The following LRIG1 variants were observed in gnomAD, a reference collection of about 807,000 sequenced individuals.
LRIG1 encodes the protein leucine rich repeats and immunoglobulin like domains 1.
LRIG1 carries 48 observed loss-of-function variants against 99.2 expected under a neutral mutation model. That is an observed-to-expected ratio of 0.48 (90% CI 0.38 to 0.62). LRIG1 has a LOEUF of 0.62. LRIG1 is among the 20% of genes least tolerant of loss of function. The probability of loss-of-function intolerance (pLI) is 0.00; values close to 1 mark genes in which losing one functional copy is unlikely to be tolerated. For missense variants in LRIG1, 1,646 were observed against 1,434.4 expected (o/e 1.15, Z -2.38); for synonymous variants, 772 against 596.1 (o/e 1.29, Z -4.30).
chr3:66,486,113 T>C (rs1268902143), intron 1 of LRIG1, among the ~76,000 whole-genome samples: 1 of 152,198 alleles, frequency 6.6e-6, no homozygotes, highest in Middle Eastern at 3.2e-3. Context: ...AAGATGGTGA[T>C]GATCAGTTAA....
At chr3:66,410,777 G>A (rs906019656) in intron 6 of LRIG1, among the ~76,000 whole-genome samples, 6 of 152,198 alleles carry the variant, frequency 3.9e-5, no homozygotes, top group African/African-American at 1.2e-4. Context: ...AATAGGAGGC[G>A]GCTCTTATTA....
intron 12 of LRIG1, among the ~76,000 whole-genome samples, chr3:66,389,802 G>A (rs1225585106): frequency 1.3e-5 from 2 of 152,030 alleles, no homozygotes. Context: ...ACACTATGAG[G>A]GGACTTCAAA....
intron 11 of LRIG1, among the ~76,000 whole-genome samples, chr3:66,394,933 C>T (rs1268862584): frequency 1.3e-5 from 2 of 152,224 alleles, no homozygotes; most frequent in African/African-American, 4.8e-5. Context: ...TGAGAATGCA[C>T]AACTTTAGCT....
chr3:66,478,147 G>C (rs1700765427), intron 1 of LRIG1, among the ~76,000 whole-genome samples: 1 of 152,160 alleles, frequency 6.6e-6, no homozygotes, highest in East Asian at 1.9e-4. Context: ...CCTTTGAAAA[G>C]GACTTTCTGC....
intron 9 of LRIG1, among the ~76,000 whole-genome samples, chr3:66,400,923 G>A (rs1215766780): frequency 3.9e-5 from 6 of 152,162 alleles, no homozygotes; most frequent in Non-Finnish European, 5.9e-5. Flanking sequence ...CCACCAGTCC[G>A]TGTGGCCAGC....
At chr3:66,410,029 TC>T (rs2106667668) in intron 7 of LRIG1, 99 bp downstream of exon 7, 9 of 1,303,668 alleles carry the variant, frequency 6.9e-6, no homozygotes, top group Non-Finnish European at 9.5e-6. Context: ...CTCTGAGCCC[TC>T]CCCGAGGCCA....
At position 66,457,685 on chromosome 3, in the gene LRIG1, T is replaced by C. The variant is rs115595537; in HGVS notation, c.290+4753A>G. On this transcript the variant is annotated intron_variant, in intron 2 of 18. Transcript: ENST00000273261. Reference sequence around the variant, plus strand: ...AGCAAACGCTGAGGCACTAAGTAACTTGTCTAGGGTCTCAGGACCCTAGTA... The same window carrying C: ...AGCAAACGCTGAGGCACTAAGTAACCTGTCTAGGGTCTCAGGACCCTAGTA... Among the ~76,000 whole-genome samples the C allele has an allele frequency of 3.6e-3, 550 of 152,314 alleles. 6 individuals carry two copies. Among genetic ancestry groups the C allele is most frequent in the African/African-American group, 0.012 (519 of 41,556 alleles).
At chr3:66,481,859 A>C (rs1700859813) in intron 1 of LRIG1, among the ~76,000 whole-genome samples, 1 of 152,244 alleles carries the variant, frequency 6.6e-6, no homozygotes, top group South Asian at 2.1e-4. Context: ...TTTCGAGACC[A>C]TGTTTACTTT....
intron 14 of LRIG1, 86 bp from the exon 15 acceptor site, chr3:66,383,487 A>T (rs1452235605): frequency 8.2e-7 from 1 of 1,214,130 alleles, no homozygotes; most frequent in Non-Finnish European, 1.1e-6. Flanking sequence ...CGGACAATCC[A>T]ACATATCAAT....
chr3:66,412,877 T>C lies in LRIG1; in HGVS notation c.785A>G (p.His262Arg). The C allele has an allele frequency of 6.2e-7, 1 of 1,614,112 alleles. No homozygotes were observed. Among genetic ancestry groups the C allele is most frequent in the South Asian group, 1.1e-5 (1 of 91,064 alleles). Reference sequence around the variant, plus strand: ...TAACCTGGTCCGCACTTACAGCACATGCATCTTGGACAGTCCCCAGAAGGC... The same window carrying C: ...TAACCTGGTCCGCACTTACAGCACACGCATCTTGGACAGTCCCCAGAAGGC... ...DGAFWGLSKM[H>R]VLHLEYNSLV... Residue 262 changes from histidine to arginine, a missense_variant, in exon 6 of 19, where the codon CAT (histidine) becomes CGT (arginine). His to Arg is a conservative substitution (Grantham distance 29). Coordinates refer to ENST00000273261, the MANE Select transcript of LRIG1 (RefSeq NM_015541.3).
intron 2 of LRIG1, among the ~76,000 whole-genome samples, chr3:66,458,733 C>T (rs1480384271): frequency 1.3e-5 from 2 of 151,872 alleles, no homozygotes; most frequent in East Asian, 1.9e-4. Context: ...TGTTTTATAT[C>T]AGGCCAGGCG....
intron 3 of LRIG1, among the ~76,000 whole-genome samples, chr3:66,428,882 T>C (rs1186691118): frequency 1.3e-5 from 2 of 152,248 alleles, no homozygotes; most frequent in Non-Finnish European, 2.9e-5. Context: ...TCCCTCTCTC[T>C]TCCCCTGCTG....
chr3:66,403,040 T>C (rs75406920), intron 9 of LRIG1, among the ~76,000 whole-genome samples: 2,489 of 152,214 alleles, frequency 0.016, 82 homozygotes, highest in African/African-American at 0.057. Flanking sequence ...ACTTCTCCGG[T>C]TCCCTTTCAA....
chr3:66,383,366 C>T lies in LRIG1; in HGVS notation c.2107G>A (p.Val703Met), dbSNP rs759017048. The T allele has an allele frequency of 3.2e-6, 5 of 1,575,136 alleles. No homozygotes were observed. The African/African-American group carries it at 4.0e-5, about 13-fold the overall frequency. The change falls in exon 15 of 19, where the codon GTG (valine) becomes ATG (methionine). Residue 703 changes from valine to methionine, a missense_variant. Transcript: ENST00000273261. The part of the protein sequence containing the change: ...PSLVVPLEDR[V>M]VSVGETVALQ... ...GCCACTGTTTCTCCCACAGATACCA[C>T]ACGGTCTTCCAAGGGGACCACCAAG... is the stretch of plus-strand genomic sequence containing the variant.
At chr3:66,393,764 G>T (rs924099295) in intron 12 of LRIG1, among the ~76,000 whole-genome samples, 1 of 152,174 alleles carries the variant, frequency 6.6e-6, no homozygotes, top group African/African-American at 2.4e-5. Flanking sequence ...TGAAACAACA[G>T]AACTATCTTC....
At chr3:66,480,632 C>A (rs2106894040) in intron 1 of LRIG1, among the ~76,000 whole-genome samples, 1 of 152,296 alleles carries the variant, frequency 6.6e-6, no homozygotes, top group African/African-American at 2.4e-5. Flanking sequence ...GAAAGAACAT[C>A]AGCTTCTGTG....
At chr3:66,434,259 A>T (rs2106753552) in intron 3 of LRIG1, among the ~76,000 whole-genome samples, 1 of 152,354 alleles carries the variant, frequency 6.6e-6, no homozygotes, top group South Asian at 2.1e-4. Context: ...GAGCAAAACA[A>T]CAACAAAAAA....
intron 1 of LRIG1, among the ~76,000 whole-genome samples, chr3:66,495,412 G>A (rs1039847361): frequency 6.6e-6 from 1 of 152,200 alleles, no homozygotes; most frequent in Non-Finnish European, 1.5e-5. Context: ...TCAAATTGCA[G>A]TCACTGAGGA....
intron 12 of LRIG1, chr3:66,386,774 T>TG (rs1701396896): frequency 6.5e-6 from 1 of 153,972 alleles, no homozygotes; most frequent in African/African-American, 2.4e-5. Context: ...CCTGGAAAAA[T>TG]GGTCAAAAGC....
Sources: gnomAD v4.1 joint callset for allele counts (sites outside exome capture counted in the v4.1 genomes callset) on GRCh38, gnomAD v4.1.1 for gene constraint, MANE v1.5 for transcripts, NCBI Gene and HGNC (gene_info 2026-07-23, HGNC 2026-07-21) for gene names.